The following SLC35F3 variants were observed in gnomAD, a reference collection of about 807,000 sequenced individuals.
SLC35F3 encodes putative thiamine transporter SLC35F3.
A neutral mutation model predicts 49.9 loss-of-function variants in SLC35F3; 25 were observed. The ratio of observed to expected loss-of-function variants is 0.50; its 90% confidence interval spans 0.37 to 0.70. The LOEUF (loss-of-function observed/expected upper bound fraction) is 0.70. SLC35F3 is among the 30% of genes least tolerant of loss of function. The probability of loss-of-function intolerance (pLI) is 0.00; values close to 1 mark genes in which losing one functional copy is unlikely to be tolerated. For missense variants in SLC35F3, 525 were observed against 639.8 expected (o/e 0.82, Z 1.94); for synonymous variants, 275 against 265.4 (o/e 1.04, Z -0.35).
intron 2 of SLC35F3, among the ~76,000 whole-genome samples, chr1:234,224,051 T>TG (rs1481340038): frequency 4.8e-5 from 6 of 125,756 alleles, no homozygotes; most frequent in African/African-American, 2.5e-4. Context: ...CTTTTTCGGT[T>TG]TTTTGTTTGT....
chr1:234,166,991 T>C (rs1462306671), intron 2 of SLC35F3, among the ~76,000 whole-genome samples: 3 of 152,206 alleles, frequency 2.0e-5, no homozygotes, highest in African/African-American at 7.2e-5. Flanking sequence ...TGTCAGCCAC[T>C]TGTAGGGTGT....
At chr1:233,938,543 G>T (rs989760587) in intron 2 of SLC35F3, among the ~76,000 whole-genome samples, 1 of 152,130 alleles carries the variant, frequency 6.6e-6, no homozygotes, top group Admixed American at 6.5e-5. Context: ...CAACACAAGG[G>T]TCATTATACC....
intron 2 of SLC35F3, among the ~76,000 whole-genome samples, chr1:234,067,761 A>G (rs1664644073): frequency 6.6e-6 from 1 of 152,114 alleles, no homozygotes; most frequent in Non-Finnish European, 1.5e-5. Context: ...TGCATGCATG[A>G]CCCCTGGCAA....
chr1:234,276,503 G>T (rs1034733129), intron 3 of SLC35F3, among the ~76,000 whole-genome samples: 4 of 151,964 alleles, frequency 2.6e-5, no homozygotes, highest in African/African-American at 9.7e-5. Context: ...TAACATTACA[G>T]CTTATTGTAC....
intron 3 of SLC35F3, among the ~76,000 whole-genome samples, chr1:234,235,334 C>T (rs752005973): frequency 6.6e-6 from 1 of 152,180 alleles, no homozygotes; most frequent in Non-Finnish European, 1.5e-5. Flanking sequence ...GCAATAGTGC[C>T]CAGAACTCAG....
At chr1:234,135,516 T>A (rs545081226) in intron 2 of SLC35F3, among the ~76,000 whole-genome samples, 2 of 152,196 alleles carry the variant, frequency 1.3e-5, no homozygotes, top group Admixed American at 6.5e-5. Flanking sequence ...GGACCCAGCA[T>A]ATATGGTCAT....
intron 2 of SLC35F3, among the ~76,000 whole-genome samples, chr1:234,017,563 A>C (rs1175057532): frequency 6.6e-6 from 1 of 151,520 alleles, no homozygotes; most frequent in African/African-American, 2.4e-5. Context: ...AAATACAAAA[A>C]ATTAGCCTGG....
chr1:233,911,982 A>G (rs1355290395), intron 2 of SLC35F3, among the ~76,000 whole-genome samples: 1 of 152,202 alleles, frequency 6.6e-6, no homozygotes, highest in African/African-American at 2.4e-5. Flanking sequence ...GCAGCTGGAA[A>G]CATTCAGGTT....
intron 2 of SLC35F3, among the ~76,000 whole-genome samples, chr1:234,007,694 A>G (rs1663650917): frequency 6.6e-6 from 1 of 152,250 alleles, no homozygotes; most frequent in Non-Finnish European, 1.5e-5. Flanking sequence ...GTAACCTCAG[A>G]TGTAATGCTG....
chr1:234,036,014 G>C (rs1415019905), intron 2 of SLC35F3, among the ~76,000 whole-genome samples: 27 of 152,160 alleles, frequency 1.8e-4, no homozygotes, highest in Admixed American at 1.8e-3. Context: ...GGGAAGCTCT[G>C]AGCTCATGGG....
At chr1:234,264,399 T>C (rs912632053) in intron 3 of SLC35F3, among the ~76,000 whole-genome samples, 1 of 152,194 alleles carries the variant, frequency 6.6e-6, no homozygotes, top group Non-Finnish European at 1.5e-5. Flanking sequence ...TCTCTCTGAA[T>C]CCAGCAAAAC....
chr1:233,978,621 T>C (rs548642975), intron 2 of SLC35F3, among the ~76,000 whole-genome samples: 1 of 152,356 alleles, frequency 6.6e-6, no homozygotes, highest in Non-Finnish European at 1.5e-5. Flanking sequence ...TGTGGGTTTA[T>C]GAATAATTTT....
chr1:233,940,516 C>T (rs1247506798), intron 2 of SLC35F3, among the ~76,000 whole-genome samples: 1 of 152,200 alleles, frequency 6.6e-6, no homozygotes, highest in Non-Finnish European at 1.5e-5. Context: ...CACTTTGCCA[C>T]AATCAACATG....
intron 2 of SLC35F3, among the ~76,000 whole-genome samples, chr1:234,107,620 CCTT>C (rs1665303770): frequency 7.0e-6 from 1 of 142,648 alleles, no homozygotes; most frequent in East Asian, 2.4e-4. Flanking sequence ...AGGACACAGA[CCTT>C]CTATTTACAT....
intron 2 of SLC35F3, among the ~76,000 whole-genome samples, chr1:234,181,458 G>A (rs1666556539): frequency 6.6e-6 from 1 of 152,076 alleles, no homozygotes; most frequent in Admixed American, 6.5e-5. Flanking sequence ...GATCCCTCCA[G>A]TTATCTCAGA....
rs1275105927 is a variant in SLC35F3, at chr1:234,272,146, G to A, written c.609-36955G>A. Among the ~76,000 whole-genome samples the A allele has an allele frequency of 2.6e-5, 4 of 152,078 alleles. No individual in the cohort carries two copies. The South Asian group carries it at 6.2e-4, about 24-fold the overall frequency. Reference sequence around the variant, plus strand: ...GTCTCAAAAAAAGAAAGAAACAAATGTGTGAAGACAACAGGCAGAGAATGA... The same window carrying A: ...GTCTCAAAAAAAGAAAGAAACAAATATGTGAAGACAACAGGCAGAGAATGA... On this transcript the variant is annotated intron_variant, in intron 3 of 7. Coordinates refer to ENST00000366618, the MANE Select transcript of SLC35F3 (RefSeq NM_173508.4).
Position 233,905,611 on chromosome 1 carries a change from G to C in SLC35F3, c.136G>C (p.Val46Leu). Residue 46 changes from valine (V) to leucine (L), a missense_variant, in exon 2 of 8, where the codon GTG (valine) becomes CTG (leucine). By Grantham distance (32) the Val-to-Leu change is conservative. This residue lies in a region of SLC35F3 where 228 missense variants were observed against 218.9 expected (regional missense o/e 1.04). Transcript: ENST00000366618. Reference sequence around the variant, plus strand: ...GCTCCGGCAGCTCAAGTACTTGGTGGTGGACGAGGCGATTAAGGAGGATCT... The same window carrying C: ...GCTCCGGCAGCTCAAGTACTTGGTGCTGGACGAGGCGATTAAGGAGGATCT... ...PQLRQLKYLV[V>L]DEAIKEDLKW... is the part of the protein sequence containing the mutation. 6.2e-7 allele frequency: 1 copy of C among 1,614,194 alleles called. No homozygotes were observed. Among genetic ancestry groups the C allele is most frequent in the Non-Finnish European group, 8.5e-7 (1 of 1,180,040 alleles).
At chr1:234,071,126 G>A (rs1350512) in intron 2 of SLC35F3, among the ~76,000 whole-genome samples, 2,863 of 152,264 alleles carry the variant, frequency 0.019, 100 homozygotes, top group African/African-American at 0.066. Context: ...GTGTGGAGAG[G>A]ACCCAAGAGC....
chr1:233,917,289 A>G (rs1302386527), intron 2 of SLC35F3, among the ~76,000 whole-genome samples: 1 of 152,178 alleles, frequency 6.6e-6, no homozygotes, highest in Non-Finnish European at 1.5e-5. Context: ...AATTTTGCAT[A>G]GTATTTTATT....
Sources: gnomAD v4.1 joint callset for allele counts (sites outside exome capture counted in the v4.1 genomes callset) on GRCh38, gnomAD v4.1.1 for gene constraint, gnomAD v4.1.1 regional missense constraint, MANE v1.5 for transcripts, NCBI Gene and HGNC (gene_info 2026-07-23, HGNC 2026-07-21) for gene names.